The following GPM6A variants were observed in gnomAD, a reference collection of about 807,000 sequenced individuals.
The protein encoded by GPM6A is glycoprotein M6A.
Under a neutral mutation model 32.1 loss-of-function variants are expected in GPM6A, and 7 were observed. The ratio of observed to expected loss-of-function variants is 0.22; its 90% CI spans 0.12 to 0.41. The LOEUF is 0.41. GPM6A is among the 10% of genes least tolerant of loss of function. The pLI, the probability that GPM6A is intolerant of heterozygous loss-of-function variation, is 1.00. For missense variants in GPM6A, 235 were observed against 347.2 expected (o/e 0.68, Z 2.57); for synonymous variants, 130 against 123.4 (o/e 1.05, Z -0.35).
At chr4:175,888,754 A>G (rs1352731259) in intron 1 of GPM6A, among the ~76,000 whole-genome samples, 2 of 152,258 alleles carry the variant, frequency 1.3e-5, no homozygotes, top group East Asian at 3.9e-4. Flanking sequence ...AAAGGTAGAT[A>G]TTTTCCCTAT....
chr4:175,721,060 GTA>G (rs965400168), intron 1 of GPM6A, among the ~76,000 whole-genome samples: 2 of 136,176 alleles, frequency 1.5e-5, no homozygotes, highest in Admixed American at 1.5e-4. Flanking sequence ...ATATGTACTA[GTA>G]TATATATATT....
At chr4:175,646,025 C>T (rs1048595195) in intron 4 of GPM6A, among the ~76,000 whole-genome samples, 2 of 152,066 alleles carry the variant, frequency 1.3e-5, no homozygotes, top group Non-Finnish European at 2.9e-5. Flanking sequence ...GTCCATCTGC[C>T]TCTGAATGAC....
chr4:175,993,658 C>T (rs1741218842), intron 1 of GPM6A, among the ~76,000 whole-genome samples: 1 of 152,072 alleles, frequency 6.6e-6, no homozygotes, highest in African/African-American at 2.4e-5. Context: ...TCTGAGTTAG[C>T]AAAGTAGGCA....
Position 175,930,255 on chromosome 4 carries a change from G to A in GPM6A, c.-23+72054C>T, listed in dbSNP as rs2126306857. Among the ~76,000 whole-genome samples, 2 of 152,172 alleles carry A rather than the reference G, an allele frequency of 1.3e-5. 1 individual carries two copies. Among genetic ancestry groups the A allele is most frequent in the South Asian group, 4.1e-4 (2 of 4,822 alleles). ...AAAATGCTTGGAAACAGCATTAGCAGTTTCAAAACAAAACTGCCAGGGAAG... is the reference window on the plus strand; with the variant it reads ...AAAATGCTTGGAAACAGCATTAGCAATTTCAAAACAAAACTGCCAGGGAAG... On this transcript the variant is annotated intron_variant, in intron 1 of 7. Transcript: ENST00000280187.
At chr4:175,834,042 A>G (rs550652420) in intron 1 of GPM6A, among the ~76,000 whole-genome samples, 2 of 152,264 alleles carry the variant, frequency 1.3e-5, no homozygotes, top group South Asian at 4.1e-4. Flanking sequence ...ACCCTACTAG[A>G]TATCAGAGAG....
intron 2 of GPM6A, among the ~76,000 whole-genome samples, chr4:175,680,578 C>T (rs527572781): frequency 6.6e-6 from 1 of 152,220 alleles, no homozygotes; most frequent in Non-Finnish European, 1.5e-5. Context: ...TTCAGTTTCA[C>T]GTTGTCCATC....
Position 175,702,426 on chromosome 4 carries a change from T to C in GPM6A, c.38-659A>G, listed in dbSNP as rs374804169. On this transcript the variant is annotated intron_variant, in intron 1 of 6. Coordinates refer to ENST00000393658, the MANE Select transcript of GPM6A (RefSeq NM_201591.3). ...TATCGAATACTAGAACTTATTCTTT[T>C]TACGTAAGTGTGTTTTTGTACCCAT... Among the ~76,000 whole-genome samples, 8 of 152,358 alleles carry C rather than the reference T, an allele frequency of 5.3e-5. No individual in the cohort carries two copies. In the East Asian group the frequency reaches 1.5e-3, roughly 29 times the overall value.
intron 1 of GPM6A, among the ~76,000 whole-genome samples, chr4:175,902,838 C>T (rs970714545): frequency 5.3e-5 from 8 of 151,928 alleles, no homozygotes; most frequent in Non-Finnish European, 8.8e-5. Context: ...CCTAGTTTTC[C>T]GTGGCAATGG....
chr4:175,755,172 T>A (rs73006367), intron 1 of GPM6A, among the ~76,000 whole-genome samples: 430 of 152,138 alleles, frequency 2.8e-3, no homozygotes, highest in African/African-American at 9.2e-3. Flanking sequence ...GAAATACAAC[T>A]GGTTGTTGTT....
intron 1 of GPM6A, among the ~76,000 whole-genome samples, chr4:175,922,670 A>T (rs937322325): frequency 3.9e-5 from 6 of 152,320 alleles, no homozygotes; most frequent in Admixed American, 6.5e-5. Context: ...CATAGATGAA[A>T]CTAGCTCATT....
intron 1 of GPM6A, among the ~76,000 whole-genome samples, chr4:175,915,596 A>C (rs1488085909): frequency 6.6e-6 from 1 of 152,172 alleles, no homozygotes; most frequent in Non-Finnish European, 1.5e-5. Context: ...AAAAAGACCA[A>C]TCACCCTGTA....
chr4:175,954,193 A>G (rs1340882981), intron 1 of GPM6A, among the ~76,000 whole-genome samples: 1 of 152,178 alleles, frequency 6.6e-6, no homozygotes, highest in African/African-American at 2.4e-5. Flanking sequence ...ATTAGATGAA[A>G]TGTAAATGCC....
intron 2 of GPM6A, among the ~76,000 whole-genome samples, chr4:175,687,787 T>C (rs1288449899): frequency 1.3e-5 from 2 of 152,198 alleles, no homozygotes; most frequent in African/African-American, 4.8e-5. Context: ...TTTACATTCT[T>C]AGCATCAGTG....
chr4:175,715,629 T>C (rs1288966162), intron 1 of GPM6A, among the ~76,000 whole-genome samples: 5 of 152,180 alleles, frequency 3.3e-5, no homozygotes. Flanking sequence ...AGCTGATCTA[T>C]TTTAAAATTG....
chr4:175,948,217 G>A (rs1050206186), intron 1 of GPM6A, among the ~76,000 whole-genome samples: 5 of 152,182 alleles, frequency 3.3e-5, no homozygotes, highest in Non-Finnish European at 2.9e-5. Context: ...AAGTTCACAT[G>A]TTGAAATCCT....
rs916386801 is a variant in GPM6A, at chr4:175,803,641, G to A, written c.37+8550C>T. Among the ~76,000 whole-genome samples, 5 of 152,006 alleles carry A rather than the reference G, an allele frequency of 3.3e-5. No homozygotes were observed. The East Asian group carries it at 7.7e-4, about 23-fold the overall frequency. Reference sequence around the variant, plus strand: ...GGTAGAGAAAATTAATTCTCAAAATGGAGATTTTGAAAAAAATATGGTTGA... The same window carrying A: ...GGTAGAGAAAATTAATTCTCAAAATAGAGATTTTGAAAAAAATATGGTTGA... On this transcript the variant is annotated intron_variant, in intron 1 of 6. Transcript: ENST00000393658.
chr4:175,879,478 G>T (rs1737198317), intron 1 of GPM6A, among the ~76,000 whole-genome samples: 1 of 152,124 alleles, frequency 6.6e-6, no homozygotes, highest in South Asian at 2.1e-4. Flanking sequence ...TCTTCACAGG[G>T]CGGCAGGAGA....
intron 1 of GPM6A, among the ~76,000 whole-genome samples, chr4:175,991,832 G>C (rs1241274759): frequency 2.0e-5 from 3 of 151,898 alleles, no homozygotes; most frequent in African/African-American, 7.3e-5. Flanking sequence ...GTATAGACTA[G>C]GATTTAACCA....
intron 3 of GPM6A, among the ~76,000 whole-genome samples, chr4:175,664,631 C>T (rs1742631038): frequency 6.6e-6 from 1 of 152,182 alleles, no homozygotes; most frequent in South Asian, 2.1e-4. Context: ...AGTTTTGCAT[C>T]TACTTAACCT....
Sources: gnomAD v4.1 joint callset for allele counts (sites outside exome capture counted in the v4.1 genomes callset) on GRCh38, gnomAD v4.1.1 for gene constraint, MANE v1.5 for transcripts, NCBI Gene and HGNC (gene_info 2026-07-23, HGNC 2026-07-21) for gene names.